Variants in STAT5B observed in about 807,000 individuals in gnomAD.
The protein encoded by STAT5B is signal transducer and activator of transcription 5B.
In STAT5B, 21 loss-of-function variants were observed where a neutral mutation model predicts 107.8. The ratio of observed to expected loss-of-function variants is 0.19; its 90% CI spans 0.14 to 0.28. The LOEUF (loss-of-function observed/expected upper bound fraction) is 0.28, where lower values mean the gene tolerates loss of function less well. Among genes scored for constraint, STAT5B ranks in the 10% least tolerant of loss-of-function variants. STAT5B has a pLI of 1.00. For missense variants in STAT5B, 565 were observed against 1,008.2 expected, an observed-to-expected ratio of 0.56 and a Z score of 5.95; for synonymous variants, 325 against 401.7, an observed-to-expected ratio of 0.81 and a Z score of 2.28.
chr17:42,280,727 C>T (rs540888603), upstream of STAT5B, among the ~76,000 whole-genome samples: 14 of 152,266 alleles, frequency 9.2e-5, no homozygotes, highest in African/African-American at 2.6e-4. Flanking sequence ...GGCGTGGCCT[C>T]GGTTTGGAAT....
At chr17:42,263,026 A>C (rs2080631344) in intron 1 of STAT5B, among the ~76,000 whole-genome samples, 1 of 74,764 alleles carries the variant, frequency 1.3e-5, no homozygotes, top group African/African-American at 7.2e-5. Context: ...AAAAAAACAA[A>C]AACAATTTTT....
chr17:42,266,160 T>C (rs1187632692), intron 1 of STAT5B, among the ~76,000 whole-genome samples: 1 of 152,042 alleles, frequency 6.6e-6, no homozygotes, highest in Admixed American at 6.6e-5. Context: ...TATATCCTGT[T>C]CAAATTTACC....
rs2080181695 is a variant in STAT5B, at chr17:42,217,430, C to T, written c.1204G>A (p.Val402Ile). 1 of 1,614,204 alleles carries T rather than the reference C, an allele frequency of 6.2e-7. No individual in the cohort carries two copies. Among genetic ancestry groups the T allele is most frequent in the Non-Finnish European group, 8.5e-7 (1 of 1,180,044 alleles). ...CCTGTGGCTTGGTGGTACTCCATGA[C>T]GCAGCAGTTGTTCAAGATCTCGCCA... ...YSGEILNNCC[V>I]MEYHQATGTL... The change falls in exon 10 of 19, where the codon GTC becomes ATC. Residue 402 changes from valine (V) to isoleucine (I), a missense_variant. Around this residue, in one of 11 missense-constraint regions of STAT5B, gnomAD observed 70 missense variants for 73.2 expected, o/e 0.96. Coordinates refer to ENST00000293328, the MANE Select transcript of STAT5B (RefSeq NM_012448.4).
chr17:42,272,959 C>G (rs2080733064), intron 1 of STAT5B, among the ~76,000 whole-genome samples: 2 of 152,168 alleles, frequency 1.3e-5, no homozygotes, highest in South Asian at 4.1e-4. Flanking sequence ...TTTAGATGTG[C>G]AAAATCTTCT....
At chr17:42,274,272 T>C (rs1453737100) in intron 1 of STAT5B, among the ~76,000 whole-genome samples, 1 of 134,208 alleles carries the variant, frequency 7.5e-6, no homozygotes, top group African/African-American at 3.0e-5. Context: ...TTTCTGATGG[T>C]TTGCTTTACA....
chr17:42,279,741 C>T (rs370444486), upstream of STAT5B, among the ~76,000 whole-genome samples: 1 of 150,522 alleles, frequency 6.6e-6, no homozygotes. Flanking sequence ...GCGGAGGTTG[C>T]GGTGAGCCAA....
chr17:42,287,333 C>CCCCG, the STAT5B span, among the ~76,000 whole-genome samples: 29 of 150,712 alleles, frequency 1.9e-4, no homozygotes, highest in African/African-American at 7.0e-4. Context: ...AGAATGCACC[C>CCCCG]CCCCCAACAG....
At chr17:42,244,123 T>C (rs1476609651) in intron 1 of STAT5B, among the ~76,000 whole-genome samples, 1 of 151,412 alleles carries the variant, frequency 6.6e-6, no homozygotes, top group Non-Finnish European at 1.5e-5. Flanking sequence ...GGTCTCACTC[T>C]GTCACTCAGG....
intron 11 of STAT5B, among the ~76,000 whole-genome samples, chr17:42,216,515 T>C (rs1168838264): frequency 1.3e-5 from 2 of 152,174 alleles, no homozygotes; most frequent in African/African-American, 4.8e-5. Context: ...AGTTCATTAT[T>C]GTTTGTTCAT....
chr17:42,218,372 G>A (rs1304510743), intron 8 of STAT5B, 42 bp from the exon 9 acceptor site: 1 of 1,600,842 alleles, frequency 6.2e-7, no homozygotes, highest in Non-Finnish European at 8.5e-7. Context: ...AGGGGCTGGT[G>A]CAGGGGAAAG....
rs924782431 is a variant in STAT5B, at chr17:42,212,673, A to G, written c.1474-483T>C. Among the ~76,000 whole-genome samples, 11 of 152,354 alleles carry G rather than the reference A, an allele frequency of 7.2e-5. No homozygotes were observed. The East Asian group carries it at 1.9e-3, about 27-fold the overall frequency. ...CTCAAAGTAAAACAACTTGGTATGG[A>G]AGAGTGGAAATTTTGAGTTGGATGG... is the stretch of plus-strand genomic sequence containing the variant. On this transcript the variant is annotated intron_variant, in intron 12 of 18. Transcript: ENST00000293328.
chr17:42,224,884 A>G lies in STAT5B; in HGVS notation c.286-16T>C. 9 of 1,613,198 alleles carry G rather than the reference A, an allele frequency of 5.6e-6. No individual in the cohort carries two copies. The highest frequency in any genetic ancestry group is 7.6e-6 in the Non-Finnish European group (9 of 1,179,440). On this transcript the variant is annotated splice_polypyrimidine_tract_variant and intron_variant, in intron 3 of 18. Coordinates refer to ENST00000293328, the MANE Select transcript of STAT5B (RefSeq NM_012448.4). Reference sequence around the variant, plus strand: ...CATACGTGTTCTGAAAGAATCCAACAGCAGACATCACTTTGTGCCACTCCA... The same window carrying G: ...CATACGTGTTCTGAAAGAATCCAACGGCAGACATCACTTTGTGCCACTCCA...
At chr17:42,277,329 G>A (rs2080774370), upstream of STAT5B, among the ~76,000 whole-genome samples, 1 of 152,258 alleles carries the variant, frequency 6.6e-6, no homozygotes, top group Non-Finnish European at 1.5e-5. Flanking sequence ...CCAAAAGAGA[G>A]AGAAGGACCC....
intron 1 of STAT5B, among the ~76,000 whole-genome samples, chr17:42,249,499 C>T (rs1758742732): frequency 6.6e-6 from 1 of 152,106 alleles, no homozygotes; most frequent in Non-Finnish European, 1.5e-5. Flanking sequence ...TGAACTTATT[C>T]TCAAAATAAA....
chr17:42,274,781 G>A (rs2080751484), intron 1 of STAT5B: 1 of 152,212 alleles, frequency 6.6e-6, no homozygotes, highest in South Asian at 2.1e-4. Flanking sequence ...ATGTTGGGGA[G>A]AGAGGCACAG....
intron 2 of STAT5B, among the ~76,000 whole-genome samples, chr17:42,230,763 C>T (rs959941960): frequency 6.6e-6 from 1 of 151,872 alleles, no homozygotes. Flanking sequence ...CGACTTCAAG[C>T]GATTCTCATG....
At position 42,223,453 on chromosome 17, in the gene STAT5B, T is replaced by C. The variant is rs764319884; in HGVS notation, c.479A>G (p.Asn160Ser). 1.9e-6 allele frequency: 3 copies of C among 1,614,154 alleles called. No homozygotes were observed. Among genetic ancestry groups the C allele is most frequent in the Non-Finnish European group, 2.5e-6 (3 of 1,180,026 alleles). ...ELRLVTQDTE[N>S]ELKKLQQTQE... is the part of the protein sequence containing the mutation. ...AGTCTGCTGCAGCTTTTTTAACTCA[T>C]TCTCTGTGTCCTGCGTGACCAGTCG... The change falls in exon 5 of 19, where the codon AAT becomes AGT. Residue 160 changes from asparagine to serine, a missense_variant. Asn to Ser is a conservative substitution (Grantham distance 46). Transcript: ENST00000293328.
At chr17:42,247,193 A>G (rs201047480) in intron 1 of STAT5B, among the ~76,000 whole-genome samples, 2 of 152,190 alleles carry the variant, frequency 1.3e-5, no homozygotes, top group East Asian at 3.9e-4. Flanking sequence ...TTTTATGTAC[A>G]TCAACACAAA....
chr17:42,223,613 T>C, intron 4 of STAT5B, 57 bp from the exon 5 acceptor site: 1 of 1,594,336 alleles, frequency 6.3e-7, no homozygotes, highest in East Asian at 2.2e-5. Flanking sequence ...GACTGAGGCC[T>C]TAATCCCCAG....
Sources: allele counts gnomAD v4.1 joint callset (sites outside exome capture counted in the v4.1 genomes callset), GRCh38; gene constraint gnomAD v4.1.1; regional missense constraint gnomAD v4.1.1; transcripts MANE v1.5; gene names NCBI Gene and HGNC (gene_info 2026-07-23, HGNC 2026-07-21).